RFX7: variants seen among roughly 807,000 people sequenced by gnomAD.
RFX7 encodes the protein DNA-binding protein RFX7.
A neutral mutation model predicts 111.8 loss-of-function variants in RFX7; 26 were observed. The ratio of observed to expected loss-of-function variants is 0.23; its 90% confidence interval spans 0.17 to 0.32. RFX7 has a LOEUF of 0.32. RFX7 is among the 10% of genes least tolerant of loss of function. The probability of loss-of-function intolerance (pLI) is 1.00; values close to 1 mark genes in which losing one functional copy is unlikely to be tolerated. For missense variants in RFX7, 1,573 were observed against 1,772.9 expected (o/e 0.89, Z 2.02); for synonymous variants, 624 against 624.4 (o/e 1.00, Z 0.01).
At position 56,122,189 on chromosome 15, in the gene RFX7, A is replaced by C. The variant is rs140578036; in HGVS notation, c.402-18519T>G. Among the ~76,000 whole-genome samples the C allele has an allele frequency of 3.2e-3, 492 of 152,020 alleles. 7 individuals carry two copies. The highest frequency in any genetic ancestry group is 0.011 in the African/African-American group (473 of 41,464). On this transcript the variant is annotated intron_variant, in intron 5 of 9. Coordinates refer to ENST00000559447, the MANE Select transcript of RFX7 (RefSeq NM_022841.7). ...AAAGACTTTGCAGGTATTCGAAGGG[A>C]CTTTTGTGCCGTGATCTGTTTTTGG... is the stretch of plus-strand genomic sequence containing the variant.
chr15:56,197,384 T>C (rs1347784762), intron 2 of RFX7, among the ~76,000 whole-genome samples: 5 of 152,310 alleles, frequency 3.3e-5, no homozygotes, highest in Middle Eastern at 3.4e-3. Flanking sequence ...TTTTTCTTTA[T>C]GAAAAGTGCT....
Position 56,094,260 on chromosome 15 carries a change from T to C in RFX7, c.3468A>G (p.Ser1156=). 6.2e-7 allele frequency: 1 copy of C among 1,613,980 alleles called. No homozygotes were observed. Among genetic ancestry groups the C allele is most frequent in the Non-Finnish European group, 8.5e-7 (1 of 1,179,870 alleles). ...PAPLDNKGTN[S]SASSNFRCRS... is the part of the protein sequence containing the mutation. ...GGCATCTGAAGTTGCTGCTGGCAGATGAATTAGTTCCTTTATTATCAAGAG... is the reference window on the plus strand; with the variant it reads ...GGCATCTGAAGTTGCTGCTGGCAGACGAATTAGTTCCTTTATTATCAAGAG... Residue 1156 remains serine, a synonymous_variant, in exon 10 of 10, where the codon TCA becomes TCG. Coordinates refer to ENST00000559447, the MANE Select transcript of RFX7 (RefSeq NM_022841.7).
rs147925420 is a variant in RFX7, at chr15:56,183,487, G to C, written c.162-4184C>G. Among the ~76,000 whole-genome samples, 1,262 of 152,100 alleles carry C rather than the reference G, an allele frequency of 8.3e-3. 10 individuals are homozygous for C. The highest frequency in any genetic ancestry group is 0.011 in the Non-Finnish European group (743 of 67,958). On this transcript the variant is annotated intron_variant, in intron 2 of 9. Transcript: ENST00000559447. The stretch of plus-strand genomic sequence containing the variant: ...TATACAGTATATACTACTTCCATCT[G>C]GGAGCCCATTCACTATTTTATTATA...
chr15:56,093,575 T>A lies in RFX7; in HGVS notation c.4153A>T (p.Arg1385Trp). 1 of 1,613,698 alleles carries A rather than the reference T, an allele frequency of 6.2e-7. No homozygotes were observed. Among genetic ancestry groups the A allele is most frequent in the Non-Finnish European group, 8.5e-7 (1 of 1,179,674 alleles). The change falls in exon 10 of 10, where the codon AGG becomes TGG. Residue 1385 changes from arginine to tryptophan, a missense_variant. This residue lies in a region of RFX7 where 411 missense variants were observed against 478.1 expected (regional missense o/e 0.86). Coordinates refer to ENST00000559447, the MANE Select transcript of RFX7 (RefSeq NM_022841.7). ...CTGCCTGAGAGCTCAGAAGACAACC[T>A]GATATCGCTAGAGAAATCAGATGCA... ...NTASDFSSDI[R>W]LSSELSGSIN...
At chr15:56,218,144 C>CTTTTTTTTTTTTT (rs869249448) in intron 2 of RFX7, among the ~76,000 whole-genome samples, 1 of 57,974 alleles carries the variant, frequency 1.7e-5, no homozygotes, top group Non-Finnish European at 3.1e-5. Flanking sequence ...AAATGATTTT[C>CTTTTTTTTTTTTT]TTTTTTTTTT....
At chr15:56,151,251 T>C (rs1186361782) in intron 3 of RFX7, among the ~76,000 whole-genome samples, 1 of 151,994 alleles carries the variant, frequency 6.6e-6, no homozygotes, top group Non-Finnish European at 1.5e-5. Flanking sequence ...CCAAGACACA[T>C]AATCGTCAGA....
Position 56,103,129 on chromosome 15 carries a change from A to ATTTTTTTT in RFX7, c.518+417_518+424dup, listed in dbSNP as rs11336124. Among the ~76,000 whole-genome samples, 7 of 94,442 alleles carry ATTTTTTTT rather than the reference A, an allele frequency of 7.4e-5. No homozygotes were observed. The East Asian group carries it at 9.7e-4, about 13-fold the overall frequency. 62.0% of individuals were successfully genotyped at this position (94,442 alleles called of 152,430 possible). A position where few individuals can be genotyped will look rare whatever the true frequency, so the allele number is the denominator to read the frequency against. On this transcript the variant is annotated intron_variant, in intron 6 of 9. Transcript: ENST00000559447. ...AGTGTTTCTGTTAAAGTTCCATAAG[A>ATTTTTTTT]TTTTTTTTTTTTTTTTTTTTTTTTG... is the stretch of plus-strand genomic sequence containing the variant.
chr15:56,090,615 T>G lies in RFX7; in HGVS notation c.*2730A>C, dbSNP rs1433037111. 6.6e-6 allele frequency: 1 copy of G among 152,596 alleles called. No homozygotes were observed. Among genetic ancestry groups the G allele is most frequent in the East Asian group, 1.9e-4 (1 of 5,202 alleles). 9.5% of individuals were successfully genotyped at this position (152,596 alleles called of 1,614,324 possible). A position where few individuals can be genotyped will look rare whatever the true frequency, so the allele number is the denominator to read the frequency against. ...GAGCACTTTAATAAAAAAAGAGAAC[T>G]GAAATGCTACCGCAATATTCAACTA... is the stretch of plus-strand genomic sequence containing the variant. On this transcript the variant is annotated 3_prime_UTR_variant, in exon 10 of 10. Transcript: ENST00000559447.
In RFX7 at chr15:56,094,839, G is replaced by A. The variant is rs1221566960; in HGVS notation, c.2889C>T (p.Thr963=). The A allele has an allele frequency of 6.4e-7, 1 of 1,552,562 alleles. No individual in the cohort carries two copies. Among genetic ancestry groups the A allele is most frequent in the Non-Finnish European group, 8.7e-7 (1 of 1,148,506 alleles). Residue 963 remains threonine (T), a synonymous_variant, in exon 10 of 10, where the codon ACC becomes ACT. Coordinates refer to ENST00000559447, the MANE Select transcript of RFX7 (RefSeq NM_022841.7). ...ATCCAGCAATCATTTCAGATGTCGG[G>A]GTTGGGGTTGGGGTTGGAGTAGGAG... is the stretch of plus-strand genomic sequence containing the variant. The part of the protein sequence containing the change: ...TPTPTPTPTP[T]PTSEMIAGSQ...
chr15:56,185,807 T>C (rs2043032423), intron 2 of RFX7, among the ~76,000 whole-genome samples: 1 of 152,222 alleles, frequency 6.6e-6, no homozygotes, highest in African/African-American at 2.4e-5. Context: ...AATTTAATCA[T>C]GAGTTCATTT....
rs532675650 is a variant in RFX7 at position 56,217,590 on chromosome 15, T to C, written c.161+25535A>G. On this transcript the variant is annotated intron_variant, in intron 2 of 9. Coordinates refer to ENST00000559447, the MANE Select transcript of RFX7 (RefSeq NM_022841.7). The stretch of plus-strand genomic sequence containing the variant: ...GACTTTATATAGACTTTATAGACTT[T>C]ATATCCTTCATAATACATGGGCATC... Among the ~76,000 whole-genome samples the C allele has an allele frequency of 5.3e-5, 8 of 152,332 alleles. No individual in the cohort carries two copies. The East Asian group carries it at 7.7e-4, about 15-fold the overall frequency.
intron 5 of RFX7, among the ~76,000 whole-genome samples, chr15:56,139,404 G>GC (rs1274237332): frequency 6.6e-6 from 1 of 152,130 alleles, no homozygotes; most frequent in East Asian, 1.9e-4. Flanking sequence ...CCAGTTGATC[G>GC]CATCGGCTCC....
At chr15:56,186,048 T>C (rs1298784375) in intron 2 of RFX7, among the ~76,000 whole-genome samples, 1 of 152,202 alleles carries the variant, frequency 6.6e-6, no homozygotes, top group African/African-American at 2.4e-5. Context: ...AGAGTCCTTG[T>C]ACCAGAAGGA....
intron 5 of RFX7, among the ~76,000 whole-genome samples, chr15:56,138,714 T>C (rs1372352996): frequency 1.2e-4 from 18 of 152,232 alleles, no homozygotes; most frequent in Admixed American, 9.8e-4. Context: ...CTAGTCTTGA[T>C]GGTCTTTACA....
At chr15:56,208,493 C>T (rs2043278304) in intron 2 of RFX7, among the ~76,000 whole-genome samples, 1 of 152,176 alleles carries the variant, frequency 6.6e-6, no homozygotes, top group African/African-American at 2.4e-5. Context: ...TATTCAGTAA[C>T]TCGCACCTGG....
chr15:56,148,175 G>T (rs1351446249), intron 3 of RFX7, among the ~76,000 whole-genome samples: 1 of 152,090 alleles, frequency 6.6e-6, no homozygotes, highest in African/African-American at 2.4e-5. Flanking sequence ...TATTAAAAAG[G>T]AATCTTTGAA....
Position 56,090,769 on chromosome 15 carries a change from T to C in RFX7, c.*2576A>G, listed in dbSNP as rs1325250919. On this transcript the variant is annotated 3_prime_UTR_variant, in exon 10 of 10. Transcript: ENST00000559447. ...AGTAAAGCACATTATAGTACAAGAC[T>C]ATTATATGAACCTCAGAAGCACTGC... The C allele has an allele frequency of 6.6e-6, 1 of 152,586 alleles. No homozygotes were observed. Among genetic ancestry groups the C allele is most frequent in the Non-Finnish European group, 1.5e-5 (1 of 68,026 alleles). 9.5% of individuals were successfully genotyped at this position (152,586 alleles called of 1,614,324 possible).
Position 56,115,578 on chromosome 15 carries a change from T to A in RFX7, c.402-11908A>T, listed in dbSNP as rs61176298. Among the ~76,000 whole-genome samples the A allele has an allele frequency of 2.6e-5, 4 of 152,274 alleles. No individual in the cohort carries two copies. The Middle Eastern group carries it at 0.01, about 388-fold the overall frequency. ...AAATATATTGATCATACTCTACATA[T>A]AGTATGAGCTCTCTTTGTATACATA... is the stretch of plus-strand genomic sequence containing the variant. On this transcript the variant is annotated intron_variant, in intron 5 of 9. Coordinates refer to ENST00000559447, the MANE Select transcript of RFX7 (RefSeq NM_022841.7).
rs371679033 is a variant in RFX7 at position 56,187,104 on chromosome 15, T to C, written c.162-7801A>G. Among the ~76,000 whole-genome samples the C allele has an allele frequency of 5.9e-5, 9 of 152,140 alleles. 1 individual carries two copies. In the East Asian group the frequency reaches 9.7e-4, roughly 16 times the overall value. On this transcript the variant is annotated intron_variant, in intron 2 of 9. Transcript: ENST00000559447. ...ATAAACTTGCTACACATAACAATTA[T>C]ACATTCTGGACAAAATATAAAAACA...
Sources: allele counts gnomAD v4.1 joint callset (sites outside exome capture counted in the v4.1 genomes callset), GRCh38; gene constraint gnomAD v4.1.1; regional missense constraint gnomAD v4.1.1; transcripts MANE v1.5; gene names NCBI Gene and HGNC (gene_info 2026-07-23, HGNC 2026-07-21).